AK5: variants seen among roughly 807,000 people sequenced by gnomAD.
The protein encoded by AK5 is adenylate kinase 5, also known as adenylate kinase isoenzyme 5.
In AK5, 27 loss-of-function variants were observed where a neutral mutation model predicts 69.5. The ratio of observed to expected loss-of-function variants is 0.39; its 90% CI spans 0.29 to 0.54. AK5 has a LOEUF of 0.54. AK5 is among the 20% of genes least tolerant of loss of function. The pLI is 0.71. For synonymous variants in AK5, 260 were observed against 244.4 expected, an observed-to-expected ratio of 1.06 and a Z score of -0.60; for missense variants, 531 against 700.4, an observed-to-expected ratio of 0.76 and a Z score of 2.73.
At chr1:77,306,391 A>G (rs1422659765) in intron 5 of AK5, among the ~76,000 whole-genome samples, 1 of 151,644 alleles carries the variant, frequency 6.6e-6, no homozygotes, top group Non-Finnish European at 1.5e-5. Flanking sequence ...TGATTGATTT[A>G]TGTATGTTGA....
chr1:77,554,254 G>A (rs1659962023), intron 13 of AK5, among the ~76,000 whole-genome samples: 2 of 152,222 alleles, frequency 1.3e-5, no homozygotes, highest in South Asian at 2.1e-4. Context: ...CTACACCTTT[G>A]CCACCTTTAT....
chr1:77,421,490 A>T (rs1349448749), intron 8 of AK5, among the ~76,000 whole-genome samples: 1 of 152,176 alleles, frequency 6.6e-6, no homozygotes, highest in Non-Finnish European at 1.5e-5. Context: ...TTTACATGTG[A>T]TCTCCAAAGG....
Position 77,327,390 on chromosome 1 carries a change from C to CAAA in AK5, c.700-12971_700-12969dup, listed in dbSNP as rs4033041. ...TGGGCAACAGAGCAAGATCCTGTCT[C>CAAA]AAAAAAAAAAAAAAAAAACACATAC... On this transcript the variant is annotated intron_variant, in intron 5 of 13. Transcript: ENST00000354567. Among the ~76,000 whole-genome samples the CAAA allele has an allele frequency of 3.1e-3, 400 of 128,926 alleles. 3 individuals carry two copies. The East Asian group carries it at 0.032, about 10-fold the overall frequency. 84.6% of individuals were successfully genotyped at this position (128,926 alleles called of 152,430 possible). A position where few individuals can be genotyped will look rare whatever the true frequency, so the allele number is the denominator to read the frequency against.
At chr1:77,353,841 A>C (rs1662348349) in intron 6 of AK5, among the ~76,000 whole-genome samples, 1 of 152,192 alleles carries the variant, frequency 6.6e-6, no homozygotes, top group Admixed American at 6.5e-5. Flanking sequence ...GTACACAGAC[A>C]CGCCACTGCT....
intron 12 of AK5, chr1:77,531,977 T>G (rs1298795215): frequency 7.9e-6 from 1 of 127,166 alleles, no homozygotes; most frequent in Non-Finnish European, 1.8e-5. Context: ...AGCCCCTCAC[T>G]GCCTGCGGCC....
intron 8 of AK5, among the ~76,000 whole-genome samples, chr1:77,474,991 C>T (rs983903131): frequency 1.3e-5 from 2 of 151,542 alleles, no homozygotes; most frequent in Non-Finnish European, 2.9e-5. Context: ...TTTGTACAGA[C>T]GGGGTCTCAC....
intron 8 of AK5, among the ~76,000 whole-genome samples, chr1:77,446,079 T>A (rs1437362143): frequency 6.6e-6 from 1 of 152,256 alleles, no homozygotes; most frequent in Non-Finnish European, 1.5e-5. Flanking sequence ...CTTTTGGGTC[T>A]CTTATCCATT....
At chr1:77,335,756 A>G (rs1661322016) in intron 5 of AK5, among the ~76,000 whole-genome samples, 1 of 151,966 alleles carries the variant, frequency 6.6e-6, no homozygotes, top group African/African-American at 2.4e-5. Context: ...GATCTTGGCT[A>G]TTTTGTATTT....
Position 77,540,965 on chromosome 1 carries a change from G to C in AK5, c.1620+4927G>C, listed in dbSNP as rs554954196. 2.6e-5 allele frequency among the ~76,000 whole-genome samples: 4 copies of C among 151,998 alleles called. No homozygotes were observed. In the South Asian group the frequency reaches 8.3e-4, roughly 32 times the overall value. On this transcript the variant is annotated intron_variant, in intron 13 of 13. Transcript: ENST00000354567. ...TCTGTCACCCAGGCTGGAATGCAAT[G>C]GCGCAATCTTGGCTCACTGCAACCT...
chr1:77,507,282 G>T (rs1442360394), intron 10 of AK5, among the ~76,000 whole-genome samples: 3 of 152,238 alleles, frequency 2.0e-5, no homozygotes, highest in Non-Finnish European at 4.4e-5. Flanking sequence ...AGACAGGCCA[G>T]AAGTGCCCCA....
At chr1:77,312,149 A>T (rs149757453) in intron 5 of AK5, among the ~76,000 whole-genome samples, 50 of 152,184 alleles carry the variant, frequency 3.3e-4, no homozygotes, top group African/African-American at 1.2e-3. Flanking sequence ...TGGTTTAAAT[A>T]CATGATTACA....
At chr1:77,318,322 A>T (rs1248135536) in intron 5 of AK5, among the ~76,000 whole-genome samples, 1 of 152,150 alleles carries the variant, frequency 6.6e-6, no homozygotes, top group Non-Finnish European at 1.5e-5. Context: ...CTTACTCATT[A>T]TACAGGAGCA....
Position 77,410,369 on chromosome 1 carries a change from C to T in AK5, c.892-612C>T, listed in dbSNP as rs552393275. On this transcript the variant is annotated intron_variant, in intron 6 of 13. Transcript: ENST00000354567. ...CTTGGCTCACTACAACCTCTGCCTCCCGGGTTCAAGTGATTCTCGTGCCTC... is the reference window on the plus strand; with the variant it reads ...CTTGGCTCACTACAACCTCTGCCTCTCGGGTTCAAGTGATTCTCGTGCCTC... 7.2e-5 allele frequency among the ~76,000 whole-genome samples: 11 copies of T among 152,046 alleles called. No homozygotes were observed. In the South Asian group the frequency reaches 2.3e-3, roughly 32 times the overall value.
At chr1:77,467,363 C>T (rs1654205916) in intron 8 of AK5, among the ~76,000 whole-genome samples, 1 of 152,214 alleles carries the variant, frequency 6.6e-6, no homozygotes, top group Non-Finnish European at 1.5e-5. Flanking sequence ...GAGAATTTCT[C>T]CTTCCACCCC....
At chr1:77,327,139 C>A (rs1425984234) in intron 5 of AK5, among the ~76,000 whole-genome samples, 1 of 152,140 alleles carries the variant, frequency 6.6e-6, no homozygotes, top group East Asian at 1.9e-4. Context: ...GTAATCCCAG[C>A]ACTTTGAAAG....
chr1:77,501,904 C>G (rs1345356135), intron 10 of AK5, among the ~76,000 whole-genome samples: 2 of 152,178 alleles, frequency 1.3e-5, no homozygotes, highest in East Asian at 3.9e-4. Flanking sequence ...TTCACTCACT[C>G]CTGTTTGGCA....
Position 77,293,890 on chromosome 1 carries a change from T to G in AK5, c.345T>G (p.Thr115=). 1 of 1,613,738 alleles carries G rather than the reference T, an allele frequency of 6.2e-7. No individual in the cohort carries two copies. The highest frequency in any genetic ancestry group is 8.5e-7 in the Non-Finnish European group (1 of 1,179,846). Residue 115 remains threonine (T), a synonymous_variant, in exon 3 of 14, where the codon ACT becomes ACG. Transcript: ENST00000354567. Reference sequence around the variant, plus strand: ...AAAGTGACACGGATCTCTCTGAGACTGCAGAGTTGATTGAGGAGTATGAGG... The same window carrying G: ...AAAGTGACACGGATCTCTCTGAGACGGCAGAGTTGATTGAGGAGTATGAGG... ...SIESDTDLSE[T]AELIEEYEVF...
chr1:77,319,498 T>G (rs1660412024), intron 5 of AK5, among the ~76,000 whole-genome samples: 1 of 152,238 alleles, frequency 6.6e-6, no homozygotes, highest in East Asian at 1.9e-4. Context: ...TCAATGACTG[T>G]GTCTTCATTC....
intron 10 of AK5, among the ~76,000 whole-genome samples, chr1:77,487,114 G>C (rs1655655174): frequency 6.6e-6 from 1 of 152,180 alleles, no homozygotes; most frequent in Non-Finnish European, 1.5e-5. Flanking sequence ...CTTATTGATG[G>C]ATTAATTGTG....
Sources: allele counts gnomAD v4.1 joint callset (sites outside exome capture counted in the v4.1 genomes callset), GRCh38; gene constraint gnomAD v4.1.1; transcripts MANE v1.5; gene names NCBI Gene and HGNC (gene_info 2026-07-23, HGNC 2026-07-21).